Variants in MRPL18 observed in about 807,000 individuals in gnomAD.
MRPL18 encodes mitochondrial ribosomal protein L18.
In MRPL18, 16 loss-of-function variants were observed where a neutral mutation model predicts 20.9. The observed-to-expected ratio is 0.76, with a 90% confidence interval of 0.52 to 1.16. The LOEUF (loss-of-function observed/expected upper bound fraction) is 1.16. Among genes scored for constraint, MRPL18 ranks in the 50% most tolerant of loss-of-function variants. The pLI is 0.00. For missense variants in MRPL18, 233 were observed against 230.6 expected, an observed-to-expected ratio of 1.01 and a Z score of -0.07; for synonymous variants, 91 against 87.1, an observed-to-expected ratio of 1.04 and a Z score of -0.25.
intron 2 of MRPL18, among the ~76,000 whole-genome samples, chr6:159,795,252 T>C (rs574230137): frequency 3.3e-5 from 5 of 152,180 alleles, no homozygotes; most frequent in Admixed American, 1.3e-4. Flanking sequence ...CTTCCTCTTA[T>C]ACTAATCCTC....
upstream of MRPL18, chr6:159,789,985 G>A (rs1469933067): frequency 1.7e-5 from 3 of 178,352 alleles, no homozygotes; most frequent in Admixed American, 1.6e-4. Context: ...GTGCGTTTTA[G>A]GTTTAGTGTC....
Position 159,797,417 on chromosome 6 carries a change from G to A in MRPL18, c.370G>A (p.Ala124Thr). 1 of 1,614,198 alleles carries A rather than the reference G, an allele frequency of 6.2e-7. No individual in the cohort carries two copies. The highest frequency in any genetic ancestry group is 1.1e-5 in the South Asian group (1 of 91,084). Residue 124 changes from alanine to threonine, a missense_variant, in exon 3 of 4, where the codon GCT (alanine) becomes ACT (threonine). Ala to Thr is a moderately conservative substitution (Grantham distance 58, BLOSUM62 0). Transcript: ENST00000367034. ...KHLYSTRNVV[A>T]CESIGRVLAQ... ...CCTTTATAGTACCAGAAATGTGGTGGCTTGTGAGAGTATAGGACGAGTGCT... is the reference window on the plus strand; with the variant it reads ...CCTTTATAGTACCAGAAATGTGGTGACTTGTGAGAGTATAGGACGAGTGCT...
chr6:159,791,217 C>A, intron 2 of MRPL18, 91 bp downstream of exon 2: 1 of 1,487,366 alleles, frequency 6.7e-7, no homozygotes, highest in Non-Finnish European at 9.1e-7. Context: ...AGGTAGCTGC[C>A]ATGCGGCGGG....
Position 159,798,232 on chromosome 6 carries a change from A to T in MRPL18, c.*109A>T. On this transcript the variant is annotated 3_prime_UTR_variant, in exon 4 of 4. Coordinates refer to ENST00000367034, the MANE Select transcript of MRPL18 (RefSeq NM_014161.5). ...CCAGCTTGGAAGTTTTACAGCAATA[A>T]TGTTGCAGTGGAATATTATTTGTAG... 2 of 823,366 alleles carry T rather than the reference A, an allele frequency of 2.4e-6. No individual in the cohort carries two copies. The highest frequency in any genetic ancestry group is 3.9e-6 in the Non-Finnish European group (2 of 518,358). The allele number at this position is 823,366 out of a possible 1,614,324, so 51.0% of individuals were successfully genotyped here. A position where few individuals can be genotyped will look rare whatever the true frequency, so the allele number is the denominator to read the frequency against.
intron 2 of MRPL18, among the ~76,000 whole-genome samples, chr6:159,795,962 T>C (rs1246901207): frequency 6.6e-6 from 1 of 151,938 alleles, no homozygotes. Flanking sequence ...TTTTTCTATT[T>C]TTTGTAGAGA....
chr6:159,795,005 G>T (rs1780994349), intron 2 of MRPL18, among the ~76,000 whole-genome samples: 1 of 152,182 alleles, frequency 6.6e-6, no homozygotes, highest in African/African-American at 2.4e-5. Context: ...AAAGGTCTTT[G>T]CATCATAGAC....
At chr6:159,794,327 C>T (rs1780980245) in intron 2 of MRPL18, among the ~76,000 whole-genome samples, 1 of 152,150 alleles carries the variant, frequency 6.6e-6, no homozygotes, top group African/African-American at 2.4e-5. Flanking sequence ...TAAACCATGG[C>T]TCCATTACTT....
At position 159,792,439 on chromosome 6, in the gene MRPL18, A is replaced by G. The variant is rs148890822; in HGVS notation, c.239+1313A>G. On this transcript the variant is annotated intron_variant, in intron 2 of 3. Coordinates refer to ENST00000367034, the MANE Select transcript of MRPL18 (RefSeq NM_014161.5). ...CGTTAGAGGCAGGAGTTACAAAGAT[A>G]AAGTAGATGTTATCCCTGTCATCAA... Among the ~76,000 whole-genome samples the G allele has an allele frequency of 1.7e-3, 262 of 152,328 alleles. 2 individuals carry two copies. Among genetic ancestry groups the G allele is most frequent in the African/African-American group, 5.1e-3 (214 of 41,560 alleles).
intron 1 of MRPL18, 26 bp from the exon 2 acceptor site, chr6:159,790,914 C>T (rs779183788): frequency 3.7e-6 from 6 of 1,613,112 alleles, no homozygotes; most frequent in Non-Finnish European, 4.2e-6. Flanking sequence ...ATTTTTAAGC[C>T]CTGTGCGGTT....
rs985288779 is a variant in MRPL18 at position 159,790,492 on chromosome 6, A to G, written c.-96A>G. On this transcript the variant is annotated 5_prime_UTR_variant, in exon 1 of 4. Coordinates refer to ENST00000367034, the MANE Select transcript of MRPL18 (RefSeq NM_014161.5). ...GAGAGTTTGGGGATCTACAGCAGCC[A>G]AAGGCTTGTCCCTGACTTTATATGG... 5 of 1,558,790 alleles carry G rather than the reference A, an allele frequency of 3.2e-6. No individual in the cohort carries two copies. In the African/African-American group the frequency reaches 5.4e-5, roughly 17 times the overall value.
At position 159,793,555 on chromosome 6, in the gene MRPL18, G is replaced by A. The variant is rs78395707; in HGVS notation, c.239+2429G>A. Among the ~76,000 whole-genome samples, 290 of 152,280 alleles carry A rather than the reference G, an allele frequency of 1.9e-3. 2 individuals carry two copies. The highest frequency in any genetic ancestry group is 6.6e-3 in the African/African-American group (275 of 41,542). On this transcript the variant is annotated intron_variant, in intron 2 of 3. Coordinates refer to ENST00000367034, the MANE Select transcript of MRPL18 (RefSeq NM_014161.5). ...CAACAGAAGCTATTGGACCTAGAAAGCCTAAAATATTTACTATCTGGCACT... is the reference window on the plus strand; with the variant it reads ...CAACAGAAGCTATTGGACCTAGAAAACCTAAAATATTTACTATCTGGCACT...
At chr6:159,793,768 C>T (rs1309419126) in intron 2 of MRPL18, among the ~76,000 whole-genome samples, 2 of 152,076 alleles carry the variant, frequency 1.3e-5, no homozygotes, top group African/African-American at 4.8e-5. Context: ...AAAAATTAGC[C>T]AGGCGTGGTG....
In MRPL18 at chr6:159,797,497, G is replaced by A. The variant is rs374662908; in HGVS notation, c.450G>A (p.Pro150=). 6.4e-5 allele frequency: 104 copies of A among 1,613,946 alleles called. No individual in the cohort carries two copies. Among genetic ancestry groups the A allele is most frequent in the South Asian group, 8.8e-5 (8 of 91,092 alleles). Residue 150 remains proline (P), a synonymous_variant, in exon 3 of 4, where the codon CCG becomes CCA. Transcript: ENST00000367034. ...ACTTCATGGTCTACCAACCAACCCC[G>A]TGGGAGGCAGCCTCAGACTCGGTAT... The part of the protein sequence containing the change: ...GINFMVYQPT[P]WEAASDSMKR...
rs2880369 is a variant in MRPL18, at chr6:159,792,209, G to A, written c.239+1083G>A. On this transcript the variant is annotated intron_variant, in intron 2 of 3. Coordinates refer to ENST00000367034, the MANE Select transcript of MRPL18 (RefSeq NM_014161.5). Reference sequence around the variant, plus strand: ...TTTTAACTGACCTCAGAGCCAGGACGCTAGGTTATTACCACTATACTACAG... The same window carrying A: ...TTTTAACTGACCTCAGAGCCAGGACACTAGGTTATTACCACTATACTACAG... Among the ~76,000 whole-genome samples, 880 of 152,266 alleles carry A rather than the reference G, an allele frequency of 5.8e-3. 9 individuals carry two copies. Among genetic ancestry groups the A allele is most frequent in the African/African-American group, 0.02 (838 of 41,556 alleles).
chr6:159,797,812 C>A (rs1781073348), intron 3 of MRPL18, among the ~76,000 whole-genome samples: 1 of 152,166 alleles, frequency 6.6e-6, no homozygotes, highest in African/African-American at 2.4e-5. Flanking sequence ...CACTGTATTT[C>A]CTGTTCATAT....
intron 3 of MRPL18, 26 bp from the exon 4 acceptor site, chr6:159,798,026 C>G: frequency 6.3e-7 from 1 of 1,596,324 alleles, no homozygotes; most frequent in South Asian, 1.1e-5. Context: ...TAATCTTTTC[C>G]TTTTTTTTCT....
chr6:159,790,403 A>G (rs1184163473), upstream of MRPL18: 7 of 699,210 alleles, frequency 1.0e-5, no homozygotes, highest in African/African-American at 1.8e-5. Context: ...AGGATAACAG[A>G]TCGCCTTCTC....
At position 159,790,956 on chromosome 6, in the gene MRPL18, C is replaced by T; in HGVS notation, c.69C>T (p.Ala23=). The part of the protein sequence containing the change: ...VCRNPGCRFA[A]LSTSSEPAAK... Reference sequence around the variant, plus strand: ...GTTGCCCAGGGTGCAGGTTCGCAGCCCTGTCAACCAGCTCCGAGCCGGCAG... The same window carrying T: ...GTTGCCCAGGGTGCAGGTTCGCAGCTCTGTCAACCAGCTCCGAGCCGGCAG... Residue 23 remains alanine, a synonymous_variant, in exon 2 of 4, where the codon GCC becomes GCT. Coordinates refer to ENST00000367034, the MANE Select transcript of MRPL18 (RefSeq NM_014161.5). 2.5e-6 allele frequency: 4 copies of T among 1,614,140 alleles called. No homozygotes were observed. Among genetic ancestry groups the T allele is most frequent in the Non-Finnish European group, 3.4e-6 (4 of 1,180,030 alleles).
chr6:159,797,617 T>C (rs1326718993), intron 3 of MRPL18, 99 bp downstream of exon 3: 3 of 1,123,632 alleles, frequency 2.7e-6, no homozygotes, highest in East Asian at 5.0e-5. Flanking sequence ...CCAAATACTT[T>C]CCATGTGTCA....
Sources: gnomAD v4.1 joint callset for allele counts (sites outside exome capture counted in the v4.1 genomes callset) on GRCh38, gnomAD v4.1.1 for gene constraint, MANE v1.5 for transcripts, NCBI Gene and HGNC (gene_info 2026-07-23, HGNC 2026-07-21) for gene names.